Variants in ATOSA observed in about 807,000 individuals in gnomAD.
ATOSA encodes the protein atos homolog protein A.
At chr15:52,597,165 G>GTTCTGTTCTATTCTATTCTA in the ATOSA span, among the ~76,000 whole-genome samples, 42 of 24,698 alleles carry the variant, frequency 1.7e-3, no homozygotes, top group Admixed American at 2.1e-3. Context: ...GTTCTGTTCT[G>GTTCTGTTCTATTCTATTCTA]TTCTATTCTA....
chr15:52,705,067 C>G, the ATOSA span, among the ~76,000 whole-genome samples: 9 of 152,148 alleles, frequency 5.9e-5, no homozygotes, highest in South Asian at 1.9e-3. Flanking sequence ...ATGTTTATTG[C>G]GGCACTATTC....
chr15:52,665,040 T>G, the ATOSA span, among the ~76,000 whole-genome samples: 2 of 152,152 alleles, frequency 1.3e-5, no homozygotes, highest in Non-Finnish European at 2.9e-5. Context: ...CGTTCTCACT[T>G]GTAAATGGGA....
At chr15:52,650,072 G>T in the ATOSA span, among the ~76,000 whole-genome samples, 2 of 152,008 alleles carry the variant, frequency 1.3e-5, no homozygotes, top group Admixed American at 6.6e-5. Flanking sequence ...CAAAACTTTG[G>T]TTTTTATGGT....
chr15:52,701,586 T>C, the ATOSA span, among the ~76,000 whole-genome samples: 1 of 152,160 alleles, frequency 6.6e-6, no homozygotes, highest in East Asian at 1.9e-4. Context: ...CTTCAAATGA[T>C]CAGAAATCTA....
the ATOSA span, among the ~76,000 whole-genome samples, chr15:52,646,608 T>A: frequency 6.6e-6 from 1 of 152,186 alleles, no homozygotes; most frequent in Non-Finnish European, 1.5e-5. Flanking sequence ...ATGGAGCACA[T>A]ATGGGAACAT....
the ATOSA span, among the ~76,000 whole-genome samples, chr15:52,662,813 CCAT>C: frequency 6.6e-6 from 1 of 150,630 alleles, no homozygotes; most frequent in African/African-American, 2.4e-5. Context: ...GTATTGTGTA[CCAT>C]GTTAATATTC....
the ATOSA span, among the ~76,000 whole-genome samples, chr15:52,618,756 C>T: frequency 6.6e-6 from 1 of 152,072 alleles, no homozygotes; most frequent in Non-Finnish European, 1.5e-5. Flanking sequence ...GTGATCATAG[C>T]TCACTTTAAC....
chr15:52,691,067 G>A, the ATOSA span, among the ~76,000 whole-genome samples: 1 of 152,052 alleles, frequency 6.6e-6, no homozygotes, highest in Non-Finnish European at 1.5e-5. Context: ...CAGGGGGAGT[G>A]GAGAGTTGAG....
chr15:52,645,492 G>A, the ATOSA span, among the ~76,000 whole-genome samples: 38,673 of 151,926 alleles, frequency 0.25, 6,371 homozygotes, highest in East Asian at 0.85. Flanking sequence ...TAAAATAGGA[G>A]TAGATCAAGG....
chr15:52,624,429 G>A, the ATOSA span, among the ~76,000 whole-genome samples: 1 of 152,170 alleles, frequency 6.6e-6, no homozygotes, highest in Non-Finnish European at 1.5e-5. Context: ...ACTGTAGGGT[G>A]TTAGTGTACC....
chr15:52,641,620 T>A, the ATOSA span, among the ~76,000 whole-genome samples: 12 of 152,334 alleles, frequency 7.9e-5, no homozygotes, highest in Middle Eastern at 3.4e-3. Context: ...AGGCAGGCAA[T>A]GCCACCCTTG....
At chr15:52,603,607 A>AATAG in the ATOSA span, among the ~76,000 whole-genome samples, 4 of 86 alleles carry the variant, frequency 0.047, no homozygotes, top group Non-Finnish European at 0.091. Flanking sequence ...TAGATGAATG[A>AATAG]AGAAAATGTA....
the ATOSA span, among the ~76,000 whole-genome samples, chr15:52,684,097 A>T: frequency 6.6e-6 from 1 of 152,236 alleles, no homozygotes; most frequent in Non-Finnish European, 1.5e-5. Flanking sequence ...CAAAGATTCA[A>T]GTGATTATTG....
chr15:52,677,901 T>C, the ATOSA span: 3 of 1,427,208 alleles, frequency 2.1e-6, no homozygotes, highest in Non-Finnish European at 2.0e-6. Context: ...TCACATATGA[T>C]ACAGAAATAG....
the ATOSA span, among the ~76,000 whole-genome samples, chr15:52,666,335 C>G: frequency 6.6e-6 from 1 of 152,230 alleles, no homozygotes; most frequent in Non-Finnish European, 1.5e-5. Flanking sequence ...GCCCCCCAGA[C>G]TCACACACAG....
chr15:52,634,931 TAGGTTAAAAGTTAA>T, the ATOSA span, among the ~76,000 whole-genome samples: 3 of 151,960 alleles, frequency 2.0e-5, no homozygotes, highest in Non-Finnish European at 4.4e-5. Flanking sequence ...AAAGAAATAA[TAGGTTAAAAGTTAA>T]AGGTTAAAAA....
At chr15:52,636,257 T>C in the ATOSA span, among the ~76,000 whole-genome samples, 1 of 151,840 alleles carries the variant, frequency 6.6e-6, no homozygotes, top group African/African-American at 2.4e-5. Flanking sequence ...AAGAGATATC[T>C]GGAAAACCTC....
the ATOSA span, among the ~76,000 whole-genome samples, chr15:52,603,366 T>C: frequency 3.9e-5 from 6 of 152,128 alleles, no homozygotes; most frequent in African/African-American, 1.4e-4. Flanking sequence ...GAAACCCTCA[T>C]ACACTGTTAG....
the ATOSA span, among the ~76,000 whole-genome samples, chr15:52,601,354 A>G: frequency 2.0e-5 from 3 of 152,102 alleles, no homozygotes; most frequent in Non-Finnish European, 1.5e-5. Context: ...GTGTTGAAAA[A>G]ACAGATGACA....
Sources: allele counts gnomAD v4.1 joint callset (sites outside exome capture counted in the v4.1 genomes callset), GRCh38; gene constraint gnomAD v4.1.1; transcripts MANE v1.5; gene names NCBI Gene and HGNC (gene_info 2026-07-23, HGNC 2026-07-21).